SASH1: variants seen among roughly 807,000 people sequenced by gnomAD.
SASH1 encodes the protein SAM and SH3 domain-containing protein 1.
SASH1 carries 44 observed loss-of-function variants against 125.2 expected under a neutral mutation model. The ratio of observed to expected loss-of-function variants is 0.35; its 90% confidence interval spans 0.28 to 0.45. SASH1 has a LOEUF of 0.45. Ranked by LOEUF, SASH1 falls within the 20% of genes least tolerant of loss-of-function variation. The probability of loss-of-function intolerance (pLI) is 1.00; values close to 1 mark genes in which losing one functional copy is unlikely to be tolerated. For synonymous variants in SASH1, 639 were observed against 649.1 expected (o/e 0.98, Z 0.24); for missense variants, 1,426 against 1,614.5 (o/e 0.88, Z 2.00).
chr6:148,245,812 C>T, the SASH1 span, among the ~76,000 whole-genome samples: 1 of 151,690 alleles, frequency 6.6e-6, no homozygotes, highest in Non-Finnish European at 1.5e-5. Flanking sequence ...ACAGTGAAAC[C>T]CCGTCTGTAC....
At chr6:148,421,808 A>G in intron 2 of SASH1, among the ~76,000 whole-genome samples, 1 of 152,342 alleles carries the variant, frequency 6.6e-6, no homozygotes, top group South Asian at 2.1e-4. Context: ...CTTTTAAACT[A>G]TATTGCTCTC....
chr6:148,200,825 G>A, the SASH1 span, among the ~76,000 whole-genome samples: 2 of 152,186 alleles, frequency 1.3e-5, no homozygotes, highest in African/African-American at 2.4e-5. Context: ...ATATAGGGAA[G>A]CTTTAAAATT....
the SASH1 span, among the ~76,000 whole-genome samples, chr6:148,228,308 C>G: frequency 6.6e-6 from 1 of 152,064 alleles, no homozygotes; most frequent in East Asian, 1.9e-4. Context: ...TTTTACTTAT[C>G]CGTTATTTCT....
intron 1 of SASH1, among the ~76,000 whole-genome samples, chr6:148,385,541 A>G (rs1267036106): frequency 6.6e-6 from 1 of 152,206 alleles, no homozygotes; most frequent in Non-Finnish European, 1.5e-5. Flanking sequence ...AGGTAGCTTC[A>G]GAATGGAAGC....
At chr6:148,405,493 A>G (rs959360435) in intron 2 of SASH1, among the ~76,000 whole-genome samples, 1 of 152,040 alleles carries the variant, frequency 6.6e-6, no homozygotes, top group African/African-American at 2.4e-5. Flanking sequence ...ATACCAAGGA[A>G]CTACCCTGGC....
chr6:148,510,019 T>G (rs763009768), intron 8 of SASH1, among the ~76,000 whole-genome samples: 3 of 152,212 alleles, frequency 2.0e-5, no homozygotes, highest in Non-Finnish European at 4.4e-5. Flanking sequence ...TGGTGTGCTA[T>G]CTCTTTAAAG....
At chr6:148,261,664 T>C in the SASH1 span, among the ~76,000 whole-genome samples, 35 of 152,108 alleles carry the variant, frequency 2.3e-4, no homozygotes, top group Admixed American at 3.9e-4. Flanking sequence ...GCCCATATCT[T>C]TGGGGCTCTG....
At chr6:148,540,592 A>G in intron 17 of SASH1, 36 bp downstream of exon 17, 1 of 1,477,154 alleles carries the variant, frequency 6.8e-7, no homozygotes, top group Non-Finnish European at 9.4e-7. Flanking sequence ...ACCTGCTTTG[A>G]CAAGTACTGA....
At chr6:148,424,146 C>G (rs1042612650) in intron 2 of SASH1, among the ~76,000 whole-genome samples, 2 of 152,044 alleles carry the variant, frequency 1.3e-5, no homozygotes, top group African/African-American at 4.8e-5. Context: ...CCCTCCTCCC[C>G]CATCCTTTTT....
the SASH1 span, among the ~76,000 whole-genome samples, chr6:148,202,971 A>G: frequency 2.0e-5 from 3 of 152,212 alleles, no homozygotes; most frequent in Admixed American, 6.5e-5. Flanking sequence ...ACAAAAACAA[A>G]AAACAGAAAA....
chr6:148,516,997 T>TTATC (rs892076063), intron 9 of SASH1, among the ~76,000 whole-genome samples: 5 of 152,214 alleles, frequency 3.3e-5, no homozygotes, highest in African/African-American at 1.2e-4. Context: ...TTGGTGCCCT[T>TTATC]TATCTGCCCA....
intron 4 of SASH1, among the ~76,000 whole-genome samples, chr6:148,452,930 C>A (rs1436063251): frequency 5.3e-5 from 8 of 152,274 alleles, no homozygotes; most frequent in Admixed American, 4.6e-4. Context: ...AGTAGCAATG[C>A]GCTGAAGCGT....
At chr6:148,321,813 T>C (rs1250358037) in intron 1 of SASH1, among the ~76,000 whole-genome samples, 13 of 152,266 alleles carry the variant, frequency 8.5e-5, no homozygotes, top group Non-Finnish European at 1.8e-4. Context: ...ACTTAGAAGG[T>C]CTGATCAATT....
chr6:148,543,564 A>G (rs528922062), intron 17 of SASH1, 116 bp from the exon 18 acceptor site: 1 of 801,440 alleles, frequency 1.2e-6, no homozygotes, highest in Non-Finnish European at 1.9e-6. Flanking sequence ...TTTTTAGTGT[A>G]ATTGAACAAT....
At chr6:148,463,451 T>C (rs950505254) in intron 4 of SASH1, among the ~76,000 whole-genome samples, 1 of 152,122 alleles carries the variant, frequency 6.6e-6, no homozygotes, top group Non-Finnish European at 1.5e-5. Context: ...TGCGATATAA[T>C]TTTTGTAAAA....
At chr6:148,394,630 T>G (rs1472597749) in intron 2 of SASH1, among the ~76,000 whole-genome samples, 2 of 152,268 alleles carry the variant, frequency 1.3e-5, no homozygotes, top group East Asian at 3.9e-4. Flanking sequence ...TCTCTCTTTC[T>G]CTATCTCTCT....
At chr6:148,458,409 C>G (rs1177141855) in intron 4 of SASH1, among the ~76,000 whole-genome samples, 1 of 152,112 alleles carries the variant, frequency 6.6e-6, no homozygotes, top group Admixed American at 6.5e-5. Context: ...TACTGCTACC[C>G]CAAACAAACT....
chr6:148,467,088 CTTTTTTT>C lies in SASH1; in HGVS notation c.387-1438_387-1432del, dbSNP rs71004298. On this transcript the variant is annotated intron_variant, in intron 4 of 19. Transcript: ENST00000367467. ...CTCCACACTCTACTGTTCCCTGTTC[CTTTTTTT>C]TTTTTTTTTTTTTTTTTTGGTGATA... Among the ~76,000 whole-genome samples the C allele has an allele frequency of 1.1e-4, 8 of 69,958 alleles. No individual in the cohort carries two copies. In the East Asian group the frequency reaches 2.2e-3, roughly 19 times the overall value. 45.9% of individuals were successfully genotyped at this position (69,958 alleles called of 152,430 possible).
At chr6:148,543,443 A>G (rs957467356) in intron 17 of SASH1, among the ~76,000 whole-genome samples, 3 of 152,194 alleles carry the variant, frequency 2.0e-5, no homozygotes, top group African/African-American at 7.2e-5. Context: ...ATGTAACCCA[A>G]TTAATTTCAG....
Sources: gnomAD v4.1 joint callset for allele counts (sites outside exome capture counted in the v4.1 genomes callset) on GRCh38, gnomAD v4.1.1 for gene constraint, MANE v1.5 for transcripts, NCBI Gene and HGNC (gene_info 2026-07-23, HGNC 2026-07-21) for gene names.